NOS1: variants seen among roughly 807,000 people sequenced by gnomAD.
The protein encoded by NOS1 is nitric oxide synthase 1.
NOS1 carries 51 observed loss-of-function variants against 164.5 expected under a neutral mutation model. That is an observed-to-expected ratio of 0.31 (90% confidence interval 0.25 to 0.39). NOS1 has a LOEUF of 0.39. Ranked by LOEUF, NOS1 falls within the 10% of genes least tolerant of loss-of-function variation. NOS1 has a pLI of 1.00. For synonymous variants in NOS1, 719 were observed against 745.8 expected, an observed-to-expected ratio of 0.96 and a Z score of 0.59; for missense variants, 1,362 against 1,885.6, an observed-to-expected ratio of 0.72 and a Z score of 5.14.
At chr12:117,271,628 T>C (rs940000887) in intron 10 of NOS1, among the ~76,000 whole-genome samples, 2 of 152,182 alleles carry the variant, frequency 1.3e-5, no homozygotes, top group Non-Finnish European at 2.9e-5. Context: ...GTTCTAATCT[T>C]GGTTCTGTGC....
At chr12:117,233,370 A>AT (rs924110562) in intron 21 of NOS1, among the ~76,000 whole-genome samples, 3 of 149,892 alleles carry the variant, frequency 2.0e-5, no homozygotes, top group East Asian at 2.0e-4. Context: ...TAATTTTTGT[A>AT]TTTTTTTTGT....
At position 117,258,402 on chromosome 12, in the gene NOS1, T is replaced by C; in HGVS notation, c.2526A>G (p.Glu842=). ...CGGAGGGGTCATTCACTTACTTCCTTTCTTCCTGCACAGAGTTGGGGTGCC... is the reference window on the plus strand; with the variant it reads ...CGGAGGGGTCATTCACTTACTTCCTCTCTTCCTGCACAGAGTTGGGGTGCC... ...EMRHPNSVQE[E]RKSYKVRFNS... The change falls in exon 16 of 29, where the codon GAA becomes GAG. Residue 842 remains glutamate, a synonymous_variant. Coordinates refer to ENST00000317775, the MANE Select transcript of NOS1 (RefSeq NM_000620.5). 1 of 1,614,130 alleles carries C rather than the reference T, an allele frequency of 6.2e-7. No individual in the cohort carries two copies. Among genetic ancestry groups the C allele is most frequent in the East Asian group, 2.2e-5 (1 of 44,876 alleles).
Position 117,331,317 on chromosome 12 carries a change from G to A in NOS1, c.-248C>T, listed in dbSNP as rs1288973800. On this transcript the variant is annotated 5_prime_UTR_variant, in exon 2 of 29. Coordinates refer to ENST00000317775, the MANE Select transcript of NOS1 (RefSeq NM_000620.5). ...CTTATTCTCTAAGGAAGTGATGGTT[G>A]ACCAGGCAGACGTCAAGAGAGGCGG... The A allele has an allele frequency of 3.9e-6, 2 of 513,362 alleles. No individual in the cohort carries two copies. Among genetic ancestry groups the A allele is most frequent in the Admixed American group, 6.5e-5 (2 of 30,862 alleles). The allele number at this position is 513,362 out of a possible 1,614,324, so 31.8% of individuals were successfully genotyped here. A position where few individuals can be genotyped will look rare whatever the true frequency, so the allele number is the denominator to read the frequency against.
At position 117,263,940 on chromosome 12, in the gene NOS1, G is replaced by A. The variant is rs531345041; in HGVS notation, c.2171C>T (p.Thr724Ile). ...TCGCCGCTTTGTGGGGGTCCCGTTGGTGCCTTTCCAGACATGCGTGTTCCA... is the reference window on the plus strand; with the variant it reads ...TCGCCGCTTTGTGGGGGTCCCGTTGATGCCTTTCCAGACATGCGTGTTCCA... ...DPWNTHVWKG[T>I]NGTPTKRRAI... Residue 724 changes from threonine to isoleucine, a missense_variant, in exon 13 of 29, where the codon ACC becomes ATC. By Grantham distance (89) the Thr-to-Ile change is moderately conservative. Coordinates refer to ENST00000317775, the MANE Select transcript of NOS1 (RefSeq NM_000620.5). 1 of 1,613,976 alleles carries A rather than the reference G, an allele frequency of 6.2e-7. No homozygotes were observed. Among genetic ancestry groups the A allele is most frequent in the Non-Finnish European group, 8.5e-7 (1 of 1,179,930 alleles).
In NOS1 at chr12:117,234,431, T is replaced by G; in HGVS notation, c.3235+134A>C. 1 of 861,844 alleles carries G rather than the reference T, an allele frequency of 1.2e-6. No homozygotes were observed. The highest frequency in any genetic ancestry group is 1.7e-6 in the Non-Finnish European group (1 of 572,608). 53.4% of individuals were successfully genotyped at this position (861,844 alleles called of 1,614,324 possible). ...TCATGAGAAAGGGGGATATCTTTAG[T>G]CTCATAGGCTGTTAGCAACAGACAC... On this transcript the variant is annotated intron_variant, in intron 21 of 28. Coordinates refer to ENST00000317775, the MANE Select transcript of NOS1 (RefSeq NM_000620.5). The surrounding 1 kb of genome is among the most constrained non-coding windows in gnomAD (Gnocchi z 4.3).
At chr12:117,304,873 G>T in intron 3 of NOS1, 2 of 333,032 alleles carry the variant, frequency 6.0e-6, no homozygotes, top group Non-Finnish European at 8.6e-6. Context: ...TCCCTTCTGG[G>T]ATTCCCAAGG....
chr12:117,292,815 T>C (rs1322758403), intron 3 of NOS1, among the ~76,000 whole-genome samples: 1 of 152,174 alleles, frequency 6.6e-6, no homozygotes. Context: ...AAGACTATAG[T>C]GACAAGCTAG....
intron 2 of NOS1, among the ~76,000 whole-genome samples, chr12:117,325,267 C>A (rs1165277422): frequency 2.0e-5 from 3 of 152,180 alleles, no homozygotes. Flanking sequence ...GTGCTCTAAG[C>A]GGCTTGAATC....
chr12:117,265,299 C>T lies in NOS1; in HGVS notation c.2136+17G>A, dbSNP rs767984807. The T allele has an allele frequency of 7.9e-6, 12 of 1,514,446 alleles. 1 individual carries two copies. In the South Asian group the frequency reaches 1.7e-4, roughly 21 times the overall value. 93.8% of individuals were successfully genotyped at this position (1,514,446 alleles called of 1,614,324 possible). Reference sequence around the variant, plus strand: ...ACAGGACACTTAATATGAAAAGAGGCAGGGACAGGGAAGGACCTGGTATTC... The same window carrying T: ...ACAGGACACTTAATATGAAAAGAGGTAGGGACAGGGAAGGACCTGGTATTC... On this transcript the variant is annotated intron_variant, in intron 12 of 28. Transcript: ENST00000317775.
chr12:117,280,109 C>T (rs1475260840), intron 8 of NOS1, among the ~76,000 whole-genome samples: 2 of 152,182 alleles, frequency 1.3e-5, no homozygotes, highest in East Asian at 1.9e-4. Flanking sequence ...CCATATCTTA[C>T]CTGTGCTACC....
chr12:117,280,467 C>T (rs1321516572), intron 8 of NOS1, among the ~76,000 whole-genome samples: 1 of 152,184 alleles, frequency 6.6e-6, no homozygotes, highest in Non-Finnish European at 1.5e-5. Context: ...CTTGGTGAGA[C>T]TCGGTCTACC....
chr12:117,355,932 T>C (rs1876834349), intron 1 of NOS1, among the ~76,000 whole-genome samples: 1 of 152,092 alleles, frequency 6.6e-6, no homozygotes, highest in Admixed American at 6.6e-5. Flanking sequence ...GCTAATTTTT[T>C]TGTAGAGATG....
Position 117,265,317 on chromosome 12 carries a change from T to C in NOS1, c.2135A>G (p.Gln712Arg). 1 of 1,542,290 alleles carries C rather than the reference T, an allele frequency of 6.5e-7. No individual in the cohort carries two copies. The highest frequency in any genetic ancestry group is 8.8e-7 in the Non-Finnish European group (1 of 1,138,452). ...AAAGAGGCAGGGACAGGGAAGGACC[T>C]GGTATTCGAAGGAGGGGGTGAGCCG... ...NYRLTPSFEY[Q>R]PDPWNTHVWK... The change falls in exon 12 of 29, where the codon CAG becomes CGG. Residue 712 changes from glutamine (Q) to arginine (R), a missense_variant and splice_region_variant. Gln to Arg is a conservative substitution (Grantham distance 43). This residue lies in a region of NOS1 where 737 missense variants were observed against 1,030.3 expected (regional missense o/e 0.72). Transcript: ENST00000317775.
At chr12:117,228,564 G>A (rs1868906742) in intron 22 of NOS1, among the ~76,000 whole-genome samples, 1 of 152,124 alleles carries the variant, frequency 6.6e-6, no homozygotes, top group Non-Finnish European at 1.5e-5. Flanking sequence ...GGGACGTGTT[G>A]ACAGCAAAGC....
chr12:117,251,305 C>A (rs777611195), intron 17 of NOS1, among the ~76,000 whole-genome samples: 3 of 152,068 alleles, frequency 2.0e-5, no homozygotes, highest in Non-Finnish European at 4.4e-5. Flanking sequence ...GGTATAGTAG[C>A]CCCAATGGAC....
At position 117,211,541 on chromosome 12, in the gene NOS1, A is replaced by G. The variant is rs2135909553; in HGVS notation, c.*3768T>C. On this transcript the variant is annotated 3_prime_UTR_variant, in exon 29 of 29. Coordinates refer to ENST00000317775, the MANE Select transcript of NOS1 (RefSeq NM_000620.5). ...CTGAATAAAGCCTAAATTTCTTGTA[A>G]TGCCACTCACCTCTCCCCACGGTCT... 1 of 985,284 alleles carries G rather than the reference A, an allele frequency of 1.0e-6. No individual in the cohort carries two copies. Among genetic ancestry groups the G allele is most frequent in the African/African-American group, 1.7e-5 (1 of 57,272 alleles). 61.0% of individuals were successfully genotyped at this position (985,284 alleles called of 1,614,324 possible).
intron 24 of NOS1, among the ~76,000 whole-genome samples, chr12:117,225,808 T>C (rs1348204907): frequency 6.6e-6 from 1 of 152,088 alleles, no homozygotes; most frequent in Non-Finnish European, 1.5e-5. Context: ...TTTTGTATTT[T>C]AGTAGAGATG....
chr12:117,309,478 G>T, intron 3 of NOS1: 3 of 678,124 alleles, frequency 4.4e-6, no homozygotes, highest in Non-Finnish European at 5.5e-6. Flanking sequence ...CCATCTGTAG[G>T]CCAAGCATCA....
rs114583584 is a variant in NOS1 at position 117,288,052 on chromosome 12, C to T, written c.1127+22G>A. The T allele has an allele frequency of 7.2e-4, 1,158 of 1,612,834 alleles. 8 individuals carry two copies. In the African/African-American group the frequency reaches 0.014, roughly 19 times the overall value. On this transcript the variant is annotated intron_variant, in intron 5 of 28. Coordinates refer to ENST00000317775, the MANE Select transcript of NOS1 (RefSeq NM_000620.5). ...GCATTCGATAACTTACCTCGGGCTC[C>T]CCGGAATTGACACACACTTGCCTTT...
Sources: allele counts gnomAD v4.1 joint callset (sites outside exome capture counted in the v4.1 genomes callset), GRCh38; gene constraint gnomAD v4.1.1; regional missense constraint gnomAD v4.1.1; non-coding constraint Gnocchi (gnomAD v3.1); transcripts MANE v1.5; gene names NCBI Gene and HGNC (gene_info 2026-07-23, HGNC 2026-07-21).